Variants in BMP3 observed in about 807,000 individuals in gnomAD.
BMP3 encodes the protein bone morphogenetic protein 3 (osteogenic).
BMP3 carries 23 observed loss-of-function variants against 38.1 expected under a neutral mutation model. The observed-to-expected ratio is 0.60, with a 90% CI of 0.43 to 0.86. The LOEUF (loss-of-function observed/expected upper bound fraction) is 0.86. Ranked by LOEUF, BMP3 falls within the 40% of genes least tolerant of loss-of-function variation. The pLI, the probability that BMP3 is intolerant of heterozygous loss-of-function variation, is 0.00. For synonymous variants in BMP3, 258 were observed against 225.7 expected (o/e 1.14, Z -1.28); for missense variants, 628 against 579.6 (o/e 1.08, Z -0.86).
intron 1 of BMP3, among the ~76,000 whole-genome samples, chr4:81,045,490 G>A (rs905160761): frequency 6.6e-6 from 1 of 151,956 alleles, no homozygotes; most frequent in Non-Finnish European, 1.5e-5. Flanking sequence ...TAAATTTACC[G>A]ATTTTATTGA....
chr4:81,051,612 GA>G (rs1419595552), intron 2 of BMP3, among the ~76,000 whole-genome samples: 2 of 152,158 alleles, frequency 1.3e-5, no homozygotes, highest in Non-Finnish European at 1.5e-5. Flanking sequence ...GCTTTCTTTA[GA>G]AATTACCAAT....
intron 1 of BMP3, among the ~76,000 whole-genome samples, chr4:81,041,042 T>C (rs1400489666): frequency 2.0e-5 from 3 of 152,194 alleles, no homozygotes; most frequent in African/African-American, 7.2e-5. Context: ...TGTGCATAGA[T>C]AAAGCTGTGC....
intron 1 of BMP3, among the ~76,000 whole-genome samples, chr4:81,035,138 G>A (rs112456041): frequency 5.9e-5 from 9 of 152,202 alleles, no homozygotes; most frequent in African/African-American, 2.2e-4. Flanking sequence ...ATACATGATA[G>A]CCTTTAATGA....
At chr4:81,050,758 CCTAA>C in intron 2 of BMP3, among the ~76,000 whole-genome samples, 1 of 152,040 alleles carries the variant, frequency 6.6e-6, no homozygotes, top group Middle Eastern at 3.2e-3. Context: ...CAAAAAATTA[CCTAA>C]CTGCTATTGA....
intron 1 of BMP3, among the ~76,000 whole-genome samples, chr4:81,035,770 T>C (rs1994990): frequency 0.69 from 104,569 of 151,798 alleles, 40,023 homozygotes; most frequent in Non-Finnish European, 0.85. Flanking sequence ...AAATTGGGCC[T>C]CATGGTCAAA....
In BMP3 at chr4:81,053,762, A is replaced by G. The variant is rs1252633349; in HGVS notation, c.*226A>G. On this transcript the variant is annotated 3_prime_UTR_variant, in exon 3 of 3. Coordinates refer to ENST00000282701, the MANE Select transcript of BMP3 (RefSeq NM_001201.5). ...AAAGCAAGATTTTTAGTAAATATGG[A>G]CATCTATTTCTCTTTTTGTAATCAA... 1.1e-4 allele frequency: 36 copies of G among 320,680 alleles called. No individual in the cohort carries two copies. In the East Asian group the frequency reaches 1.8e-3, roughly 16 times the overall value. The allele number at this position is 320,680 out of a possible 1,614,324, so 19.9% of individuals were successfully genotyped here.
rs1432515318 is a variant in BMP3 at position 81,053,507 on chromosome 4, A to G, written c.1390A>G (p.Met464Val). ...KNVVLKVYPN[M>V]TVESCACR ...TGTAGTGCTTAAAGTATACCCTAAC[A>G]TGACAGTAGAGTCTTGCGCTTGCAG... The change falls in exon 3 of 3, where the codon ATG (methionine) becomes GTG (valine). Residue 464 changes from methionine (M) to valine (V), a missense_variant. Coordinates refer to ENST00000282701, the MANE Select transcript of BMP3 (RefSeq NM_001201.5). The G allele has an allele frequency of 3.1e-6, 5 of 1,589,548 alleles. No individual in the cohort carries two copies. Among genetic ancestry groups the G allele is most frequent in the Non-Finnish European group, 4.3e-6 (5 of 1,169,424 alleles).
rs539530914 is a variant in BMP3 at position 81,051,834 on chromosome 4, A to G, written c.1228-1511A>G. 3.9e-5 allele frequency among the ~76,000 whole-genome samples: 6 copies of G among 152,202 alleles called. No homozygotes were observed. In the South Asian group the frequency reaches 1.2e-3, roughly 32 times the overall value. ...CCAGTCTTTTTAACATATACTGAAA[A>G]TCTCTAGGAAAAAAAAGTAAGAACA... On this transcript the variant is annotated intron_variant, in intron 2 of 2. Coordinates refer to ENST00000282701, the MANE Select transcript of BMP3 (RefSeq NM_001201.5).
At chr4:81,034,818 T>C (rs769831598) in intron 1 of BMP3, among the ~76,000 whole-genome samples, 1 of 152,178 alleles carries the variant, frequency 6.6e-6, no homozygotes, top group African/African-American at 2.4e-5. Context: ...GAAATGTTTC[T>C]GAAGTATAAG....
chr4:81,035,489 G>T (rs758166447), intron 1 of BMP3, among the ~76,000 whole-genome samples: 10 of 152,042 alleles, frequency 6.6e-5, no homozygotes, highest in Non-Finnish European at 1.5e-4. Flanking sequence ...AATGAGTTCA[G>T]ATTTTTCTAA....
rs1243022262 is a variant in BMP3, at chr4:81,057,237, G to A, written c.*3701G>A. 1 of 151,230 alleles carries A rather than the reference G, an allele frequency of 6.6e-6. No homozygotes were observed. Among genetic ancestry groups the A allele is most frequent in the East Asian group, 1.9e-4 (1 of 5,180 alleles). 9.4% of individuals were successfully genotyped at this position (151,230 alleles called of 1,614,324 possible). A position where few individuals can be genotyped will look rare whatever the true frequency, so the allele number is the denominator to read the frequency against. ...ATATATATATATAATATATGTATAT[G>A]GAAAAGGTTCAAAGATGCTTTTAAT... On this transcript the variant is annotated 3_prime_UTR_variant, in exon 3 of 3. Coordinates refer to ENST00000282701, the MANE Select transcript of BMP3 (RefSeq NM_001201.5).
At position 81,031,718 on chromosome 4, in the gene BMP3, C is replaced by T. The variant is rs973292748; in HGVS notation, c.316+118C>T. On this transcript the variant is annotated intron_variant, in intron 1 of 2. Coordinates refer to ENST00000282701, the MANE Select transcript of BMP3 (RefSeq NM_001201.5). Reference sequence around the variant, plus strand: ...GGCGCTGCCTAGGGACCTTTCTCCGCCCTCCTCAGCTGCCCTCTGGATTCC... The same window carrying T: ...GGCGCTGCCTAGGGACCTTTCTCCGTCCTCCTCAGCTGCCCTCTGGATTCC... 8 of 1,223,802 alleles carry T rather than the reference C, an allele frequency of 6.5e-6. No homozygotes were observed. In the Admixed American group the frequency reaches 1.4e-4, roughly 22 times the overall value. The allele number at this position is 1,223,802 out of a possible 1,614,324, so 75.8% of individuals were successfully genotyped here.
chr4:81,052,106 C>T (rs1390318), intron 2 of BMP3, among the ~76,000 whole-genome samples: 151,925 of 152,068 alleles, frequency 1, 75,891 homozygotes, highest in Non-Finnish European at 1. Context: ...ATGCTGGGAG[C>T]TTTAGGAGTT....
rs1184283994 is a variant in BMP3, at chr4:81,031,106, G to C, written c.-179G>C. On this transcript the variant is annotated 5_prime_UTR_variant, in exon 1 of 3. Transcript: ENST00000282701. Reference sequence around the variant, plus strand: ...AGAGCCCACCTGTCAGGCTGCGCTGGGTCAGCGCAGCAAGTGGGGCTGGCC... The same window carrying C: ...AGAGCCCACCTGTCAGGCTGCGCTGCGTCAGCGCAGCAAGTGGGGCTGGCC... The C allele has an allele frequency of 1.2e-5, 8 of 647,102 alleles. No individual in the cohort carries two copies. The highest frequency in any genetic ancestry group is 9.7e-5 in the Admixed American group (3 of 31,050). 40.1% of individuals were successfully genotyped at this position (647,102 alleles called of 1,614,324 possible).
rs547360109 is a variant in BMP3 at position 81,030,967 on chromosome 4, A to G, written c.-318A>G. 9.7e-5 allele frequency: 34 copies of G among 350,756 alleles called. No individual in the cohort carries two copies. The highest frequency in any genetic ancestry group is 1.4e-4 in the Non-Finnish European group (28 of 193,292). The allele number at this position is 350,756 out of a possible 1,614,324, so 21.7% of individuals were successfully genotyped here. A position where few individuals can be genotyped will look rare whatever the true frequency, so the allele number is the denominator to read the frequency against. ...AAGCGAGGAGGGAAGGTACAGACAG[A>G]TCTTGAAAACACCCGGGCCACACAC... On this transcript the variant is annotated 5_prime_UTR_variant, in exon 1 of 3. Transcript: ENST00000282701.
chr4:81,044,045 GA>G (rs762992365), intron 1 of BMP3, among the ~76,000 whole-genome samples: 7 of 152,162 alleles, frequency 4.6e-5, no homozygotes, highest in Non-Finnish European at 8.8e-5. Flanking sequence ...GATGACATGG[GA>G]GGTAGATATT....
chr4:81,052,261 T>G (rs1740415884), intron 2 of BMP3, among the ~76,000 whole-genome samples: 1 of 152,128 alleles, frequency 6.6e-6, no homozygotes, highest in Non-Finnish European at 1.5e-5. Context: ...CTTCTGTTTC[T>G]CAATGTGTTT....
intron 1 of BMP3, among the ~76,000 whole-genome samples, chr4:81,041,808 T>C (rs1740083712): frequency 6.6e-6 from 1 of 152,226 alleles, no homozygotes; most frequent in Non-Finnish European, 1.5e-5. Context: ...TCTTCCTTCA[T>C]CTTTAAAAGT....
At position 81,031,499 on chromosome 4, in the gene BMP3, C is replaced by A. The variant is rs1739765964; in HGVS notation, c.215C>A (p.Ala72Glu). ...TATGACAGGTACAGCACGGTCCAGG[C>A]GGCCCGGACACCGGGCTCCCTGGAG... ...RLYDRYSTVQ[A>E]ARTPGSLEGG... is the part of the protein sequence containing the mutation. Residue 72 changes from alanine (A) to glutamate (E), a missense_variant, in exon 1 of 3, where the codon GCG becomes GAG. Coordinates refer to ENST00000282701, the MANE Select transcript of BMP3 (RefSeq NM_001201.5). 1.2e-6 allele frequency: 2 copies of A among 1,612,868 alleles called. No individual in the cohort carries two copies. Among genetic ancestry groups the A allele is most frequent in the Non-Finnish European group, 1.7e-6 (2 of 1,179,572 alleles).
Sources: gnomAD v4.1 joint callset for allele counts (sites outside exome capture counted in the v4.1 genomes callset) on GRCh38, gnomAD v4.1.1 for gene constraint, MANE v1.5 for transcripts, NCBI Gene and HGNC (gene_info 2026-07-23, HGNC 2026-07-21) for gene names.